Variants in TLK1 observed in about 807,000 individuals in gnomAD.
TLK1 encodes serine/threonine-protein kinase tousled-like 1.
A neutral mutation model predicts 105.3 loss-of-function variants in TLK1; 24 were observed. That is an observed-to-expected ratio of 0.23 (90% CI 0.17 to 0.32). The LOEUF is 0.32. TLK1 is among the 10% of genes least tolerant of loss of function. The pLI, the probability that TLK1 is intolerant of heterozygous loss-of-function variation, is 1.00. For missense variants in TLK1, 558 were observed against 910.5 expected (o/e 0.61, Z 4.98); for synonymous variants, 321 against 310.4 (o/e 1.03, Z -0.36).
intron 18 of TLK1, among the ~76,000 whole-genome samples, chr2:170,998,113 CT>C (rs1440762383): frequency 6.6e-6 from 1 of 151,892 alleles, no homozygotes; most frequent in African/African-American, 2.4e-5. Context: ...TACCTACCAC[CT>C]ACCTACCTAC....
intron 1 of TLK1, among the ~76,000 whole-genome samples, chr2:171,123,329 C>T (rs1231751096): frequency 2.6e-5 from 4 of 152,072 alleles, no homozygotes; most frequent in Admixed American, 6.5e-5. Context: ...CCCAAGTAGC[C>T]GGGATTACAG....
At chr2:171,091,982 T>C (rs975195333) in intron 2 of TLK1, among the ~76,000 whole-genome samples, 1 of 152,014 alleles carries the variant, frequency 6.6e-6, no homozygotes, top group Non-Finnish European at 1.5e-5. Context: ...TCCGCCAGCC[T>C]CAGCCTCCCA....
chr2:171,111,723 C>G (rs544131547), intron 2 of TLK1, among the ~76,000 whole-genome samples: 3 of 151,970 alleles, frequency 2.0e-5, no homozygotes, highest in Non-Finnish European at 2.9e-5. Context: ...GAAAGGGGCC[C>G]AGTTCATTTT....
At chr2:171,122,673 C>T (rs984451949) in intron 1 of TLK1, among the ~76,000 whole-genome samples, 1 of 151,292 alleles carries the variant, frequency 6.6e-6, no homozygotes, top group Non-Finnish European at 1.5e-5. Flanking sequence ...CACTCTGTCG[C>T]CCAGGCTGGA....
At chr2:171,033,267 T>C (rs1190079424) in intron 11 of TLK1, among the ~76,000 whole-genome samples, 1 of 152,042 alleles carries the variant, frequency 6.6e-6, no homozygotes, top group Non-Finnish European at 1.5e-5. Context: ...TGACTACAAA[T>C]TTGGCAATAA....
intron 1 of TLK1, among the ~76,000 whole-genome samples, chr2:171,122,303 C>G (rs1690686363): frequency 6.6e-6 from 1 of 152,112 alleles, no homozygotes; most frequent in Non-Finnish European, 1.5e-5. Flanking sequence ...CTCAAGAGCC[C>G]CTGGTGTAAT....
At chr2:171,163,562 A>T (rs1692554602), upstream of TLK1, among the ~76,000 whole-genome samples, 1 of 152,180 alleles carries the variant, frequency 6.6e-6, no homozygotes, top group Admixed American at 6.5e-5. Context: ...TACGAGAAAG[A>T]GGTTAGAGTC....
intron 1 of TLK1, among the ~76,000 whole-genome samples, chr2:171,158,079 A>C (rs570981868): frequency 2.0e-5 from 3 of 152,190 alleles, no homozygotes; most frequent in African/African-American, 7.2e-5. Context: ...GCTCAATAGA[A>C]ATCATCTCCA....
chr2:171,047,835 ATCT>A (rs1392616125), intron 10 of TLK1, among the ~76,000 whole-genome samples: 3 of 152,198 alleles, frequency 2.0e-5, no homozygotes, highest in East Asian at 3.8e-4. Flanking sequence ...TTCTCTTCTC[ATCT>A]TCTAACCACT....
intron 1 of TLK1, among the ~76,000 whole-genome samples, chr2:171,187,182 C>T (rs1324630752): frequency 1.3e-5 from 2 of 148,678 alleles, no homozygotes; most frequent in East Asian, 3.9e-4. Flanking sequence ...CTAATAGAAA[C>T]AGCAAAGTTC....
intron 1 of TLK1, among the ~76,000 whole-genome samples, chr2:171,210,546 G>A (rs940369177): frequency 7.9e-5 from 12 of 152,004 alleles, no homozygotes; most frequent in Non-Finnish European, 1.8e-4. Flanking sequence ...TCTCTGACTA[G>A]TATATCCAAT....
intron 12 of TLK1, among the ~76,000 whole-genome samples, chr2:171,017,195 C>A (rs1019070847): frequency 3.3e-5 from 5 of 151,882 alleles, no homozygotes; most frequent in Non-Finnish European, 7.4e-5. Flanking sequence ...ACAGGTTTAC[C>A]CAGGAGTATG....
intron 20 of TLK1, 101 bp downstream of exon 20, chr2:170,996,551 CG>C: frequency 1.2e-6 from 1 of 867,954 alleles, no homozygotes. Flanking sequence ...CCTGCAGCAG[CG>C]AGTCTTGTGA....
intron 1 of TLK1, among the ~76,000 whole-genome samples, chr2:171,128,552 A>G (rs2105551323): frequency 6.6e-6 from 1 of 152,326 alleles, no homozygotes; most frequent in South Asian, 2.1e-4. Context: ...ATATAATGTA[A>G]TAAGCCCCCT....
At chr2:171,223,645 A>G (rs28822687) in intron 1 of TLK1, among the ~76,000 whole-genome samples, 8,351 of 151,960 alleles carry the variant, frequency 0.055, 489 homozygotes, top group East Asian at 0.25. Context: ...ATACCCAGCT[A>G]ATTTTTGTAT....
intron 1 of TLK1, among the ~76,000 whole-genome samples, chr2:171,143,364 G>A (rs1024592902): frequency 1.9e-4 from 27 of 142,750 alleles, no homozygotes; most frequent in Admixed American, 1.6e-3. Flanking sequence ...AGTTAGCTGG[G>A]TGTGGTGGCA....
chr2:171,112,252 A>G (rs773887139), intron 2 of TLK1, among the ~76,000 whole-genome samples: 29 of 152,112 alleles, frequency 1.9e-4, no homozygotes, highest in Admixed American at 6.5e-5. Context: ...GCCTGGCCTG[A>G]TAAATGTTTT....
chr2:171,214,903 G>A (rs1472495345), intron 1 of TLK1, among the ~76,000 whole-genome samples: 1 of 152,058 alleles, frequency 6.6e-6, no homozygotes, highest in Non-Finnish European at 1.5e-5. Context: ...TTCAGCAACT[G>A]AAGCCTGACT....
At chr2:171,021,754 T>C (rs896093302) in intron 12 of TLK1, among the ~76,000 whole-genome samples, 1 of 152,162 alleles carries the variant, frequency 6.6e-6, no homozygotes, top group Non-Finnish European at 1.5e-5. Context: ...ACTTCTAAGA[T>C]TCTTCCCAAA....
Sources: gnomAD v4.1 joint callset for allele counts (sites outside exome capture counted in the v4.1 genomes callset) on GRCh38, gnomAD v4.1.1 for gene constraint, MANE v1.5 for transcripts, NCBI Gene and HGNC (gene_info 2026-07-23, HGNC 2026-07-21) for gene names.